The following CCDC102B variants were observed in gnomAD, a reference collection of about 807,000 sequenced individuals.
CCDC102B encodes the protein coiled-coil domain-containing protein 102B.
In CCDC102B, 75 loss-of-function variants were observed where a neutral mutation model predicts 57.4. The observed-to-expected ratio is 1.31, with a 90% CI of 1.08 to 1.58. The LOEUF (loss-of-function observed/expected upper bound fraction) is 1.58. Ranked by LOEUF, CCDC102B falls within the 40% of genes most tolerant of loss-of-function variation. The probability of loss-of-function intolerance (pLI) is 0.00; values close to 1 mark genes in which losing one functional copy is unlikely to be tolerated. For missense variants in CCDC102B, 636 were observed against 582.6 expected (o/e 1.09, Z -0.94); for synonymous variants, 206 against 201.9 (o/e 1.02, Z -0.17).
intron 2 of CCDC102B, among the ~76,000 whole-genome samples, chr18:68,731,047 CG>C (rs2032837431): frequency 6.6e-6 from 1 of 152,072 alleles, no homozygotes; most frequent in Non-Finnish European, 1.5e-5. Context: ...AGTGCAATGG[CG>C]CGATCTTGGC....
At chr18:68,953,355 C>A (rs913978934) in intron 6 of CCDC102B, among the ~76,000 whole-genome samples, 1 of 125,534 alleles carries the variant, frequency 8.0e-6, no homozygotes, top group Non-Finnish European at 1.6e-5. Flanking sequence ...CAATACTTGT[C>A]TTTTTTTTTT....
chr18:69,019,607 A>G (rs1417426191), intron 7 of CCDC102B, among the ~76,000 whole-genome samples: 3 of 152,026 alleles, frequency 2.0e-5, no homozygotes, highest in Non-Finnish European at 4.4e-5. Flanking sequence ...TTCATTTATT[A>G]GTTTCAACAA....
At chr18:68,927,799 AAGG>A (rs781155664) in intron 6 of CCDC102B, among the ~76,000 whole-genome samples, 2 of 151,886 alleles carry the variant, frequency 1.3e-5, no homozygotes, top group Non-Finnish European at 2.9e-5. Context: ...TAGGGAGAGA[AAGG>A]AGGGAGAGCT....
intron 7 of CCDC102B, among the ~76,000 whole-genome samples, chr18:69,044,910 A>G (rs963432479): frequency 6.6e-6 from 1 of 152,202 alleles, no homozygotes. Flanking sequence ...TGGAGGCTGT[A>G]CGTTCAGAAT....
chr18:68,870,720 T>G (rs1195166400), intron 4 of CCDC102B, among the ~76,000 whole-genome samples: 2 of 152,122 alleles, frequency 1.3e-5, no homozygotes, highest in Non-Finnish European at 2.9e-5. Flanking sequence ...GTAGATTTGG[T>G]GTTCGGGGAG....
downstream of CCDC102B, among the ~76,000 whole-genome samples, chr18:69,058,002 C>G (rs1315235879): frequency 6.6e-6 from 1 of 151,956 alleles, no homozygotes. Context: ...TCCCACCCTC[C>G]CTGCTCTAAT....
At chr18:68,797,469 C>T (rs913472683), upstream of CCDC102B, among the ~76,000 whole-genome samples, 1 of 151,978 alleles carries the variant, frequency 6.6e-6, no homozygotes, top group Non-Finnish European at 1.5e-5. Flanking sequence ...TGAGTCATGT[C>T]AATGGAAAGC....
intron 1 of CCDC102B, among the ~76,000 whole-genome samples, chr18:68,822,416 T>C (rs1267403682): frequency 6.6e-6 from 1 of 151,754 alleles, no homozygotes; most frequent in African/African-American, 2.4e-5. Flanking sequence ...AAAAAACACC[T>C]GAAATTTTGT....
chr18:69,030,446 A>C (rs1373854004), intron 7 of CCDC102B, among the ~76,000 whole-genome samples: 1 of 152,216 alleles, frequency 6.6e-6, no homozygotes, highest in Non-Finnish European at 1.5e-5. Flanking sequence ...ATTATAGTAG[A>C]CACATGCAGG....
At chr18:68,900,944 A>C in intron 6 of CCDC102B, among the ~76,000 whole-genome samples, 1 of 152,168 alleles carries the variant, frequency 6.6e-6, no homozygotes, top group East Asian at 1.9e-4. Flanking sequence ...AGTAAATTGC[A>C]CTGTCACCAG....
intron 2 of CCDC102B, among the ~76,000 whole-genome samples, chr18:68,747,252 T>G (rs2033656539): frequency 6.6e-6 from 1 of 152,072 alleles, no homozygotes; most frequent in Admixed American, 6.6e-5. Context: ...CTTCCCATCC[T>G]GTCATAATCA....
Position 69,054,427 on chromosome 18 carries a change from A to G in CCDC102B, c.*290A>G. On this transcript the variant is annotated 3_prime_UTR_variant, in exon 8 of 8. Coordinates refer to ENST00000360242, the MANE Select transcript of CCDC102B (RefSeq NM_024781.3). ...CAGAATACTTTTTACATAAAATCTG[A>G]AAGAGTTATAATATCGGTAAGAAAA... 9.4e-7 allele frequency: 1 copy of G among 1,061,444 alleles called. No individual in the cohort carries two copies. The highest frequency in any genetic ancestry group is 1.1e-6 in the Non-Finnish European group (1 of 880,244). The allele number at this position is 1,061,444 out of a possible 1,614,324, so 65.8% of individuals were successfully genotyped here.
intron 4 of CCDC102B, among the ~76,000 whole-genome samples, chr18:68,869,426 C>T (rs369781811): frequency 2.6e-5 from 4 of 152,268 alleles, no homozygotes; most frequent in African/African-American, 9.6e-5. Context: ...CAAGTAAGGG[C>T]AGAACTGAAT....
At position 68,990,647 on chromosome 18, in the gene CCDC102B, G is replaced by A. The variant is rs189523340; in HGVS notation, c.1264-20287G>A. Among the ~76,000 whole-genome samples the A allele has an allele frequency of 7.9e-5, 12 of 151,916 alleles. No individual in the cohort carries two copies. The South Asian group carries it at 2.3e-3, about 29-fold the overall frequency. On this transcript the variant is annotated intron_variant, in intron 6 of 7. Coordinates refer to ENST00000360242, the MANE Select transcript of CCDC102B (RefSeq NM_024781.3). Reference sequence around the variant, plus strand: ...CCATTATATTACTCTCATTGTTTTCGCTATCAAAATTATTTCCACAGATGT... The same window carrying A: ...CCATTATATTACTCTCATTGTTTTCACTATCAAAATTATTTCCACAGATGT...
In CCDC102B at chr18:68,837,080, G is replaced by T; in HGVS notation, c.317G>T (p.Trp106Leu). ...SDCTANWREK[W>L]SKVRAERNSA... Reference sequence around the variant, plus strand: ...TGCACTGCCAACTGGAGAGAAAAATGGAGTAAAGTTCGAGCTGAAAGGAAC... The same window carrying T: ...TGCACTGCCAACTGGAGAGAAAAATTGAGTAAAGTTCGAGCTGAAAGGAAC... Residue 106 changes from tryptophan (W) to leucine (L), a missense_variant, in exon 2 of 8, where the codon TGG (tryptophan) becomes TTG (leucine). Trp to Leu is a moderately conservative substitution (Grantham distance 61). Transcript: ENST00000360242. 1 of 1,614,162 alleles carries T rather than the reference G, an allele frequency of 6.2e-7. No individual in the cohort carries two copies. Among genetic ancestry groups the T allele is most frequent in the Non-Finnish European group, 8.5e-7 (1 of 1,180,024 alleles).
At chr18:68,792,057 G>A (rs961074064) in intron 2 of CCDC102B, among the ~76,000 whole-genome samples, 2 of 152,172 alleles carry the variant, frequency 1.3e-5, no homozygotes, top group Admixed American at 6.5e-5. Context: ...ACAGTGCTGA[G>A]TTGGAGAAAT....
At chr18:68,878,217 C>T (rs1200598286) in intron 5 of CCDC102B, among the ~76,000 whole-genome samples, 1 of 152,134 alleles carries the variant, frequency 6.6e-6, no homozygotes, top group Admixed American at 6.5e-5. Flanking sequence ...TCACCTCAGC[C>T]TCCCAAGTAG....
At chr18:68,810,456 A>C (rs917507154) in intron 1 of CCDC102B, among the ~76,000 whole-genome samples, 6 of 152,182 alleles carry the variant, frequency 3.9e-5, no homozygotes, top group African/African-American at 1.4e-4. Context: ...TTACAATATC[A>C]TTAGAAAAAT....
At chr18:68,935,455 T>A (rs558163229) in intron 6 of CCDC102B, among the ~76,000 whole-genome samples, 7 of 152,060 alleles carry the variant, frequency 4.6e-5, no homozygotes, top group African/African-American at 1.7e-4. Context: ...TTGGTTTGGT[T>A]TGCCTTTGGA....
Sources: gnomAD v4.1 joint callset for allele counts (sites outside exome capture counted in the v4.1 genomes callset) on GRCh38, gnomAD v4.1.1 for gene constraint, MANE v1.5 for transcripts, NCBI Gene and HGNC (gene_info 2026-07-23, HGNC 2026-07-21) for gene names.